SDHAF4: variants seen among roughly 807,000 people sequenced by gnomAD.
SDHAF4 encodes the protein succinate dehydrogenase complex assembly factor 4.
Under a neutral mutation model 14.3 loss-of-function variants are expected in SDHAF4, and 14 were observed. The observed-to-expected ratio is 0.98, with a 90% CI of 0.65 to 1.53. The LOEUF (loss-of-function observed/expected upper bound fraction) is 1.53, where lower values mean the gene tolerates loss of function less well. SDHAF4 is among the 40% of genes most tolerant of loss of function. SDHAF4 has a pLI of 0.00. For missense variants in SDHAF4, 141 were observed against 129.3 expected, an observed-to-expected ratio of 1.09 and a Z score of -0.44; for synonymous variants, 63 against 47.3, an observed-to-expected ratio of 1.33 and a Z score of -1.36.
At chr6:70,593,814 C>A (rs1765279540), downstream of SDHAF4, among the ~76,000 whole-genome samples, 1 of 152,068 alleles carries the variant, frequency 6.6e-6, no homozygotes, top group African/African-American at 2.4e-5. Flanking sequence ...GCCTCAGCCT[C>A]CTGAGTAGCT....
intron 2 of SDHAF4, among the ~76,000 whole-genome samples, chr6:70,582,387 T>A (rs765516870): frequency 2.0e-5 from 3 of 152,200 alleles, no homozygotes; most frequent in Non-Finnish European, 4.4e-5. Flanking sequence ...AAATATCACC[T>A]ATGTGTTGGT....
downstream of SDHAF4, among the ~76,000 whole-genome samples, chr6:70,592,569 C>T (rs998378749): frequency 3.9e-5 from 6 of 152,136 alleles, no homozygotes; most frequent in South Asian, 1.2e-3. Context: ...TATAGCAACA[C>T]CCTACTCCCA....
At chr6:70,588,562 T>C in intron 2 of SDHAF4, 53 bp from the exon 3 acceptor site, 1 of 809,450 alleles carries the variant, frequency 1.2e-6, no homozygotes, top group Non-Finnish European at 2.0e-6. Flanking sequence ...AAATTGACTA[T>C]AAGGCCTTTC....
intron 1 of SDHAF4, among the ~76,000 whole-genome samples, chr6:70,575,731 G>A (rs1802246774): frequency 6.6e-6 from 1 of 152,010 alleles, no homozygotes; most frequent in Non-Finnish European, 1.5e-5. Flanking sequence ...GTGTGTGAGA[G>A]AGAGAGAGTC....
chr6:70,594,476 A>G (rs1276020357), downstream of SDHAF4, among the ~76,000 whole-genome samples: 2 of 152,156 alleles, frequency 1.3e-5, no homozygotes, highest in Non-Finnish European at 2.9e-5. Context: ...GAGCTAGCAC[A>G]TTTGGCCACC....
intron 1 of SDHAF4, among the ~76,000 whole-genome samples, chr6:70,569,574 A>G (rs1802154403): frequency 6.6e-6 from 1 of 152,160 alleles, no homozygotes; most frequent in African/African-American, 2.4e-5. Flanking sequence ...TCTTATTTAT[A>G]TTCTTTACAT....
chr6:70,582,705 C>T (rs898437432), intron 2 of SDHAF4, among the ~76,000 whole-genome samples: 1 of 152,110 alleles, frequency 6.6e-6, no homozygotes, highest in Non-Finnish European at 1.5e-5. Flanking sequence ...TAACCAAGTC[C>T]TGTTGCTTCT....
At chr6:70,586,979 GTCAACAAAGTAAAACCC>G (rs1368443699) in intron 2 of SDHAF4, among the ~76,000 whole-genome samples, 1 of 151,792 alleles carries the variant, frequency 6.6e-6, no homozygotes, top group Non-Finnish European at 1.5e-5. Flanking sequence ...GACCAGCCTG[GTCAACAAAGTAAAACCC>G]CCATCTCTAC....
chr6:70,580,086 A>G (rs1428583022), intron 2 of SDHAF4, among the ~76,000 whole-genome samples: 1 of 152,100 alleles, frequency 6.6e-6, no homozygotes, highest in Admixed American at 6.6e-5. Context: ...ATATGTGTAT[A>G]TTATATGTAT....
Position 70,588,722 on chromosome 6 carries a change from T to C in SDHAF4, c.325T>C (p.Ter109GlnextTer18). The C allele has an allele frequency of 6.3e-7, 1 of 1,577,600 alleles. No individual in the cohort carries two copies. Reference protein sequence around the residue: ...WERKGRCIDF* With the variant: ...WERKGRCIDFQ Reference sequence around the variant, plus strand: ...ACGAAAAGGACGCTGTATTGATTTTTAAGTCGCATATTCTTTAACTTCAAT... The same window carrying C: ...ACGAAAAGGACGCTGTATTGATTTTCAAGTCGCATATTCTTTAACTTCAAT... Residue 109 changes from the stop codon to glutamine, a stop_lost, in exon 3 of 3, where the codon TAA becomes CAA. Transcript: ENST00000370474.
At chr6:70,596,932 TCAGAA>T in the SDHAF4 span, 1 of 152,326 alleles carries the variant, frequency 6.6e-6, no homozygotes, top group East Asian at 1.9e-4. Flanking sequence ...TTTGATAATT[TCAGAA>T]CAGGACAGTA....
intron 1 of SDHAF4, among the ~76,000 whole-genome samples, chr6:70,572,058 C>CTTTTTTTT (rs66688860): frequency 4.3e-4 from 23 of 53,510 alleles, no homozygotes; most frequent in East Asian, 6.1e-4. Context: ...CTTTTTTTGT[C>CTTTTTTTT]TTTTTTTTTT....
intron 1 of SDHAF4, among the ~76,000 whole-genome samples, chr6:70,575,940 G>A (rs1021027107): frequency 6.8e-6 from 1 of 146,204 alleles, no homozygotes; most frequent in Non-Finnish European, 1.5e-5. Flanking sequence ...CCGTGTAGTC[G>A]AGGTAGTCAA....
At chr6:70,574,391 AC>A (rs1581927195) in intron 1 of SDHAF4, among the ~76,000 whole-genome samples, 1 of 152,166 alleles carries the variant, frequency 6.6e-6, no homozygotes, top group African/African-American at 2.4e-5. Context: ...TTAGGCCTAA[AC>A]ACGGGTGTGG....
At chr6:70,571,907 A>G (rs1284939225) in intron 1 of SDHAF4, among the ~76,000 whole-genome samples, 1 of 152,054 alleles carries the variant, frequency 6.6e-6, no homozygotes, top group Non-Finnish European at 1.5e-5. Context: ...TTGTTTCAAT[A>G]TATAGGCATA....
the SDHAF4 span, among the ~76,000 whole-genome samples, chr6:70,594,587 G>A: frequency 7.2e-5 from 11 of 152,114 alleles, no homozygotes; most frequent in South Asian, 2.3e-3. Flanking sequence ...CTTGAACTTG[G>A]ACTTCCCAGC....
At chr6:70,596,155 A>G in the SDHAF4 span, among the ~76,000 whole-genome samples, 1 of 152,210 alleles carries the variant, frequency 6.6e-6, no homozygotes, top group African/African-American at 2.4e-5. Flanking sequence ...CCTACAAAAG[A>G]TGATGCGGTA....
chr6:70,574,629 T>G (rs1398389338), intron 1 of SDHAF4, among the ~76,000 whole-genome samples: 1 of 151,766 alleles, frequency 6.6e-6, no homozygotes, highest in African/African-American at 2.4e-5. Flanking sequence ...CCCCAGGTGG[T>G]TTTTATCTAT....
the SDHAF4 span, among the ~76,000 whole-genome samples, chr6:70,594,738 C>T: frequency 6.6e-6 from 1 of 152,084 alleles, no homozygotes; most frequent in Non-Finnish European, 1.5e-5. Flanking sequence ...CATGGTGGAA[C>T]CCCATCTCTA....
Sources: allele counts gnomAD v4.1 joint callset (sites outside exome capture counted in the v4.1 genomes callset), GRCh38; gene constraint gnomAD v4.1.1; transcripts MANE v1.5; gene names NCBI Gene and HGNC (gene_info 2026-07-23, HGNC 2026-07-21).